CMTM8: variants seen among roughly 807,000 people sequenced by gnomAD.
CMTM8 encodes the protein CKLF like MARVEL transmembrane domain containing 8, also known as CKLF-like MARVEL transmembrane domain-containing protein 8.
In CMTM8, 12 loss-of-function variants were observed where a neutral mutation model predicts 18.6. That is an observed-to-expected ratio of 0.65 (90% CI 0.41 to 1.05). The LOEUF is 1.05. Among genes scored for constraint, CMTM8 ranks in the 50% least tolerant of loss-of-function variants. CMTM8 has a pLI of 0.00. For synonymous variants in CMTM8, 87 were observed against 90.6 expected (o/e 0.96, Z 0.23); for missense variants, 217 against 227.2 (o/e 0.95, Z 0.29).
intron 1 of CMTM8, among the ~76,000 whole-genome samples, chr3:32,327,466 ATTTTATTTT>A (rs1158060807): frequency 2.0e-5 from 3 of 152,166 alleles, no homozygotes; most frequent in African/African-American, 7.2e-5. Context: ...TCCAAGGAGG[ATTTTATTTT>A]TAAGGAATTG....
chr3:32,307,237 G>A (rs1695731810), intron 1 of CMTM8, among the ~76,000 whole-genome samples: 1 of 152,226 alleles, frequency 6.6e-6, no homozygotes. Flanking sequence ...CTACTCGGGA[G>A]GCTGAGGCAA....
chr3:32,325,162 G>C (rs1559380077), intron 1 of CMTM8, among the ~76,000 whole-genome samples: 1 of 152,186 alleles, frequency 6.6e-6, no homozygotes. Context: ...CCATCCTTCA[G>C]TGAACTATTT....
chr3:32,261,772 C>T (rs533638299), intron 1 of CMTM8, among the ~76,000 whole-genome samples: 5 of 152,180 alleles, frequency 3.3e-5, no homozygotes, highest in Admixed American at 6.5e-5. Context: ...GTCAACCACA[C>T]CCTTGTGGAG....
Position 32,298,924 on chromosome 3 carries a change from CAT to C in CMTM8, c.148-58434_148-58433del, listed in dbSNP as rs1553604474. Among the ~76,000 whole-genome samples, 196 of 86,532 alleles carry C rather than the reference CAT, an allele frequency of 2.3e-3. 1 individual carries two copies. The highest frequency in any genetic ancestry group is 0.016 in the Middle Eastern group (3 of 192). 56.8% of individuals were successfully genotyped at this position (86,532 alleles called of 152,430 possible). A position where few individuals can be genotyped will look rare whatever the true frequency, so the allele number is the denominator to read the frequency against. On this transcript the variant is annotated intron_variant, in intron 1 of 3. Transcript: ENST00000307526. Reference sequence around the variant, plus strand: ...ACACACACACACACATACACACACACATATATATATATATATGTATATATATA... The same window carrying C: ...ACACACACACACACATACACACACACATATATATATATATGTATATATATA...
chr3:32,368,268 A>G lies in CMTM8; in HGVS notation c.438+280A>G, dbSNP rs553217966. On this transcript the variant is annotated intron_variant, in intron 3 of 3. Coordinates refer to ENST00000307526, the MANE Select transcript of CMTM8 (RefSeq NM_178868.5). ...AGCTGTTTAAAGCATGCTAAGAATAATTCTACTGCCTATAATTTAGTAAGT... is the reference window on the plus strand; with the variant it reads ...AGCTGTTTAAAGCATGCTAAGAATAGTTCTACTGCCTATAATTTAGTAAGT... 5.8e-4 allele frequency among the ~76,000 whole-genome samples: 88 copies of G among 152,314 alleles called. 1 individual carries two copies. Among genetic ancestry groups the G allele is most frequent in the African/African-American group, 1.9e-3 (79 of 41,564 alleles).
At chr3:32,314,187 T>C (rs1007149620) in intron 1 of CMTM8, among the ~76,000 whole-genome samples, 2 of 152,094 alleles carry the variant, frequency 1.3e-5, no homozygotes, top group African/African-American at 4.8e-5. Context: ...CCATCAACCA[T>C]TGGGCCCTCT....
chr3:32,275,644 CTTTTTTTTT>C (rs771943263), intron 1 of CMTM8, among the ~76,000 whole-genome samples: 5 of 78,110 alleles, frequency 6.4e-5, no homozygotes, highest in East Asian at 4.1e-4. Flanking sequence ...CATGTACTTC[CTTTTTTTTT>C]TTTTTTTTTT....
At chr3:32,272,702 G>T in intron 1 of CMTM8, among the ~76,000 whole-genome samples, 1 of 152,090 alleles carries the variant, frequency 6.6e-6, no homozygotes, top group East Asian at 1.9e-4. Flanking sequence ...AGAATATGTG[G>T]GGCTATAAAT....
At chr3:32,342,737 T>G (rs1166649521) in intron 1 of CMTM8, among the ~76,000 whole-genome samples, 3 of 152,158 alleles carry the variant, frequency 2.0e-5, no homozygotes, top group Non-Finnish European at 4.4e-5. Flanking sequence ...GAAAAGTAGG[T>G]TTTTTACCTG....
chr3:32,243,351 C>T lies in CMTM8; in HGVS notation c.147+4232C>T, dbSNP rs546732725. Among the ~76,000 whole-genome samples the T allele has an allele frequency of 6.6e-5, 10 of 151,672 alleles. No homozygotes were observed. The South Asian group carries it at 1.7e-3, about 25-fold the overall frequency. ...TTTGAGACCAGCCCAGCCAACATGG[C>T]GAAAACCCATCTCTACTGAAAATAC... On this transcript the variant is annotated intron_variant, in intron 1 of 3. Coordinates refer to ENST00000307526, the MANE Select transcript of CMTM8 (RefSeq NM_178868.5).
chr3:32,259,250 G>A, intron 1 of CMTM8: 1 of 605,116 alleles, frequency 1.7e-6, no homozygotes, highest in Non-Finnish European at 3.1e-6. Flanking sequence ...AAAGTGAAGA[G>A]CCTGGAGACC....
intron 1 of CMTM8, among the ~76,000 whole-genome samples, chr3:32,340,531 G>A (rs1188618120): frequency 6.6e-6 from 1 of 152,216 alleles, no homozygotes; most frequent in Non-Finnish European, 1.5e-5. Context: ...AAAAACATCA[G>A]TACACATATA....
intron 1 of CMTM8, among the ~76,000 whole-genome samples, chr3:32,326,515 CTTTTTTTTTT>C (rs58555396): frequency 1.2e-4 from 14 of 113,372 alleles, no homozygotes; most frequent in Admixed American, 2.0e-4. Context: ...TTCTTTCTTT[CTTTTTTTTTT>C]TTTTTTTTTT....
intron 1 of CMTM8, among the ~76,000 whole-genome samples, chr3:32,290,173 C>A (rs1702755172): frequency 6.6e-6 from 1 of 152,104 alleles, no homozygotes; most frequent in Non-Finnish European, 1.5e-5. Context: ...TTATCTACGA[C>A]AAAAATCCAA....
chr3:32,278,956 C>T (rs936172570), intron 1 of CMTM8, among the ~76,000 whole-genome samples: 2 of 152,148 alleles, frequency 1.3e-5, no homozygotes, highest in African/African-American at 4.8e-5. Context: ...AGGAGGAGCA[C>T]TTACTGGCTC....
At chr3:32,265,153 C>A (rs1702317116) in intron 1 of CMTM8, among the ~76,000 whole-genome samples, 1 of 152,168 alleles carries the variant, frequency 6.6e-6, no homozygotes, top group African/African-American at 2.4e-5. Flanking sequence ...AATATACATT[C>A]TTCTCAGCAC....
chr3:32,308,973 G>A (rs925186300), intron 1 of CMTM8, among the ~76,000 whole-genome samples: 6 of 152,162 alleles, frequency 3.9e-5, no homozygotes, highest in African/African-American at 1.4e-4. Context: ...ATTGGCCCCT[G>A]TCTTCAGACA....
At chr3:32,253,677 G>A (rs1702142668) in intron 1 of CMTM8, among the ~76,000 whole-genome samples, 1 of 151,734 alleles carries the variant, frequency 6.6e-6, no homozygotes, top group African/African-American at 2.4e-5. Flanking sequence ...AACTAATCGT[G>A]GTAATTTATT....
intron 1 of CMTM8, among the ~76,000 whole-genome samples, chr3:32,332,229 C>T (rs747281537): frequency 5.3e-5 from 8 of 152,166 alleles, no homozygotes; most frequent in Non-Finnish European, 8.8e-5. Context: ...TGCAGCCCGT[C>T]GCAGTGGACG....
Sources: gnomAD v4.1 joint callset for allele counts (sites outside exome capture counted in the v4.1 genomes callset) on GRCh38, gnomAD v4.1.1 for gene constraint, MANE v1.5 for transcripts, NCBI Gene and HGNC (gene_info 2026-07-23, HGNC 2026-07-21) for gene names.